PTPRD: variants seen among roughly 807,000 people sequenced by gnomAD.
PTPRD encodes receptor-type tyrosine-protein phosphatase delta.
In PTPRD, 34 loss-of-function variants were observed where a neutral mutation model predicts 214.5. That is an observed-to-expected ratio of 0.16 (90% CI 0.12 to 0.21). The LOEUF (loss-of-function observed/expected upper bound fraction) is 0.21, where lower values mean the gene tolerates loss of function less well. Among genes scored for constraint, PTPRD ranks in the 10% least tolerant of loss-of-function variants. The pLI, the probability that PTPRD is intolerant of heterozygous loss-of-function variation, is 1.00. For synonymous variants in PTPRD, 1,128 were observed against 845.7 expected (o/e 1.33, Z -5.79); for missense variants, 2,545 against 2,398.7 (o/e 1.06, Z -1.27).
intron 5 of PTPRD, among the ~76,000 whole-genome samples, chr9:9,908,302 A>G (rs2078182468): frequency 6.6e-6 from 1 of 151,960 alleles, no homozygotes; most frequent in African/African-American, 2.4e-5. Flanking sequence ...CACTAATAGT[A>G]TCAATAGCTG....
At chr9:10,325,720 T>TTATTTATC (rs1010172808) in intron 3 of PTPRD, among the ~76,000 whole-genome samples, 6 of 151,920 alleles carry the variant, frequency 3.9e-5, no homozygotes, top group African/African-American at 1.4e-4. Context: ...TAAATTTGTT[T>TTATTTATC]AACCTGTAAG....
intron 9 of PTPRD, among the ~76,000 whole-genome samples, chr9:9,245,344 C>T (rs2099972526): frequency 6.6e-6 from 1 of 152,046 alleles, no homozygotes; most frequent in Non-Finnish European, 1.5e-5. Context: ...GCACTATTCA[C>T]AATAGTAAAG....
At chr9:9,466,016 TA>T (rs913047471) in intron 8 of PTPRD, among the ~76,000 whole-genome samples, 18 of 152,274 alleles carry the variant, frequency 1.2e-4, no homozygotes, top group African/African-American at 3.6e-4. Flanking sequence ...CACTACAATA[TA>T]AAATCTAGTA....
At chr9:9,963,371 G>T (rs569664730) in intron 4 of PTPRD, among the ~76,000 whole-genome samples, 32 of 152,112 alleles carry the variant, frequency 2.1e-4, no homozygotes, top group South Asian at 1.0e-3. Context: ...GAATTCTATG[G>T]GCAGAGAGAA....
chr9:9,837,341 G>C (rs1301542913), intron 5 of PTPRD, among the ~76,000 whole-genome samples: 1 of 152,116 alleles, frequency 6.6e-6, no homozygotes, highest in Non-Finnish European at 1.5e-5. Context: ...TCTAACACAG[G>C]AGCAGTGATA....
chr9:9,202,079 C>A (rs1048886744), intron 9 of PTPRD, among the ~76,000 whole-genome samples: 1 of 152,112 alleles, frequency 6.6e-6, no homozygotes. Flanking sequence ...GGAAAAGATG[C>A]CATTTGGATG....
rs145238392 is a variant in PTPRD at position 8,528,673 on chromosome 9, C to T, written c.459G>A (p.Pro153=). The T allele has an allele frequency of 9.9e-6, 16 of 1,613,546 alleles. No individual in the cohort carries two copies. The African/African-American group carries it at 1.2e-4, about 12-fold the overall frequency. ...CTTTAAACCAAGTGATTTCTGGATCCGGATTACCACTGGCTGCACAAAGCA... is the reference window on the plus strand; with the variant it reads ...CTTTAAACCAAGTGATTTCTGGATCTGGATTACCACTGGCTGCACAAAGCA... ...ATMLCAASGN[P]DPEITWFKDF... Residue 153 remains proline (P), a synonymous_variant, in exon 15 of 46, where the codon CCG becomes CCA. Transcript: ENST00000381196.
At chr9:10,559,575 A>C (rs2063387691) in intron 2 of PTPRD, among the ~76,000 whole-genome samples, 1 of 152,150 alleles carries the variant, frequency 6.6e-6, no homozygotes. Context: ...AATTAAACTA[A>C]AGAGCTTCTG....
At chr9:8,867,209 C>T (rs532222642) in intron 11 of PTPRD, among the ~76,000 whole-genome samples, 1 of 152,250 alleles carries the variant, frequency 6.6e-6, no homozygotes, top group South Asian at 2.1e-4. Context: ...TCTTCCTTCT[C>T]TCCTTTTGTT....
In PTPRD at chr9:8,605,124, T is replaced by C. The variant is rs150031218; in HGVS notation, c.352+28193A>G. On this transcript the variant is annotated intron_variant, in intron 14 of 45. Transcript: ENST00000381196. ...ATGCTCCCAACCCAACTGCCACAAA[T>C]AAACTCTTCTTCTATCAACCTCTTC... 3.8e-4 allele frequency among the ~76,000 whole-genome samples: 58 copies of C among 152,308 alleles called. No individual in the cohort carries two copies. In the East Asian group the frequency reaches 8.1e-3, roughly 21 times the overall value.
intron 9 of PTPRD, among the ~76,000 whole-genome samples, chr9:9,258,522 A>G (rs1463627148): frequency 2.0e-5 from 3 of 151,980 alleles, no homozygotes; most frequent in Non-Finnish European, 4.4e-5. Context: ...TTTAGAATCA[A>G]TAATGATAAC....
chr9:9,868,109 C>A (rs772261342), intron 5 of PTPRD, among the ~76,000 whole-genome samples: 9 of 152,242 alleles, frequency 5.9e-5, no homozygotes, highest in Non-Finnish European at 7.4e-5. Flanking sequence ...GACCACTATG[C>A]TTTTGGCAGT....
At chr9:8,670,621 T>C (rs1217966808) in intron 12 of PTPRD, among the ~76,000 whole-genome samples, 2 of 152,174 alleles carry the variant, frequency 1.3e-5, no homozygotes, top group Non-Finnish European at 2.9e-5. Context: ...AAACTTTAAA[T>C]ATGCATAATA....
At chr9:9,561,569 G>A (rs767897772) in intron 8 of PTPRD, among the ~76,000 whole-genome samples, 1 of 152,148 alleles carries the variant, frequency 6.6e-6, no homozygotes, top group African/African-American at 2.4e-5. Context: ...AAATGGACAA[G>A]TATAAAAAGA....
rs574735456 is a variant in PTPRD at position 8,948,019 on chromosome 9, C to T, written c.-104+70678G>A. On this transcript the variant is annotated intron_variant, in intron 11 of 45. Transcript: ENST00000381196. ...TATACCCAGAGTCTGGGCTCTCTCT[C>T]TCTTTTTTTTTTTTTTTTTGAGACG... Among the ~76,000 whole-genome samples the T allele has an allele frequency of 5.9e-3, 550 of 93,042 alleles. 1 individual carries two copies. Among genetic ancestry groups the T allele is most frequent in the African/African-American group, 0.02 (506 of 25,054 alleles). The allele number at this position is 93,042 out of a possible 152,430, so 61.0% of individuals were successfully genotyped here.
At chr9:10,303,832 G>T (rs1289284359) in intron 3 of PTPRD, among the ~76,000 whole-genome samples, 7 of 152,100 alleles carry the variant, frequency 4.6e-5, no homozygotes, top group African/African-American at 7.2e-5. Context: ...TCTACCAGAG[G>T]TTCAAAGAGG....
At chr9:9,923,515 T>C (rs774231623) in intron 5 of PTPRD, among the ~76,000 whole-genome samples, 1 of 151,874 alleles carries the variant, frequency 6.6e-6, no homozygotes, top group Non-Finnish European at 1.5e-5. Flanking sequence ...ACGAAATCAG[T>C]TCCACACAAA....
chr9:9,359,094 T>C (rs988318142), intron 9 of PTPRD, among the ~76,000 whole-genome samples: 5 of 151,346 alleles, frequency 3.3e-5, no homozygotes, highest in African/African-American at 1.2e-4. Flanking sequence ...GAATACTGGT[T>C]GTCATTTTCA....
intron 10 of PTPRD, among the ~76,000 whole-genome samples, chr9:9,032,153 T>A (rs929758022): frequency 2.6e-5 from 4 of 151,930 alleles, no homozygotes; most frequent in Admixed American, 6.6e-5. Flanking sequence ...TTGTAGGAGA[T>A]GAGAAAAGAG....
Sources: allele counts gnomAD v4.1 joint callset (sites outside exome capture counted in the v4.1 genomes callset), GRCh38; gene constraint gnomAD v4.1.1; transcripts MANE v1.5; gene names NCBI Gene and HGNC (gene_info 2026-07-23, HGNC 2026-07-21).